The following FLNB variants were observed in gnomAD, a reference collection of about 807,000 sequenced individuals.
FLNB encodes filamin B.
In FLNB, 111 loss-of-function variants were observed where a neutral mutation model predicts 250.6. The ratio of observed to expected loss-of-function variants is 0.44; its 90% CI spans 0.38 to 0.52. FLNB has a LOEUF of 0.52. Ranked by LOEUF, FLNB falls within the 20% of genes least tolerant of loss-of-function variation. The pLI is 0.00. For missense variants in FLNB, 2,869 were observed against 3,447.8 expected, an observed-to-expected ratio of 0.83 and a Z score of 4.20; for synonymous variants, 1,302 against 1,372.1, an observed-to-expected ratio of 0.95 and a Z score of 1.13.
At chr3:58,010,657 G>GT (rs1192744826) in intron 1 of FLNB, among the ~76,000 whole-genome samples, 5 of 152,128 alleles carry the variant, frequency 3.3e-5, no homozygotes, top group African/African-American at 4.8e-5. Flanking sequence ...TTAAAAATGT[G>GT]TATTTATTTA....
intron 1 of FLNB, among the ~76,000 whole-genome samples, chr3:58,056,073 TTTTATTTATTTA>T (rs1197071012): frequency 1.8e-4 from 26 of 145,108 alleles, no homozygotes; most frequent in East Asian, 5.9e-4. Context: ...CATTAATAAA[TTTTATTTATTTA>T]TTTATTTATT....
chr3:58,169,854 A>G lies in FLNB; in HGVS notation c.7621+61A>G. Reference sequence around the variant, plus strand: ...CAGGGGCAGGCTGGGCACCCTGGGTACACTGGCCTTCCCTGCTGAGGTCTC... The same window carrying G: ...CAGGGGCAGGCTGGGCACCCTGGGTGCACTGGCCTTCCCTGCTGAGGTCTC... On this transcript the variant is annotated intron_variant, in intron 45 of 45. Transcript: ENST00000295956. The surrounding 1 kb of genome is among the most constrained non-coding windows in gnomAD (Gnocchi z 4.8). The G allele has an allele frequency of 1.4e-6, 2 of 1,421,694 alleles. No individual in the cohort carries two copies. Among genetic ancestry groups the G allele is most frequent in the East Asian group, 2.3e-5 (1 of 43,108 alleles). 88.1% of individuals were successfully genotyped at this position (1,421,694 alleles called of 1,614,324 possible). A position where few individuals can be genotyped will look rare whatever the true frequency, so the allele number is the denominator to read the frequency against.
chr3:58,064,744 G>A (rs2097183104), intron 1 of FLNB, among the ~76,000 whole-genome samples: 1 of 152,062 alleles, frequency 6.6e-6, no homozygotes. Context: ...CAGGTGCAGT[G>A]GCTCATGCCT....
chr3:58,044,910 A>AATCAAAGAGTGTGCTACAGC (rs1458391030), intron 1 of FLNB, among the ~76,000 whole-genome samples: 24 of 152,226 alleles, frequency 1.6e-4, no homozygotes, highest in Admixed American at 1.6e-3. Flanking sequence ...GGAAAAACTG[A>AATCAAAGAGTGTGCTACAGC]ATCAAAGAGT....
intron 9 of FLNB, among the ~76,000 whole-genome samples, chr3:58,103,266 GT>G (rs1215903092): frequency 2.3e-4 from 3 of 13,060 alleles, no homozygotes; most frequent in African/African-American, 2.4e-3. Flanking sequence ...GCCAAGGAGG[GT>G]GTGTGTGTGT....
At chr3:58,062,864 T>C (rs2097180490) in intron 1 of FLNB, among the ~76,000 whole-genome samples, 1 of 152,184 alleles carries the variant, frequency 6.6e-6, no homozygotes, top group Non-Finnish European at 1.5e-5. Flanking sequence ...CTTGAATCCT[T>C]TTCACAATGC....
chr3:58,112,664 TACAC>T (rs908336554), intron 18 of FLNB, among the ~76,000 whole-genome samples: 2 of 151,886 alleles, frequency 1.3e-5, no homozygotes, highest in Non-Finnish European at 2.9e-5. Context: ...CACACACACA[TACAC>T]ACACACACGT....
chr3:58,127,283 G>A (rs1484095715), intron 24 of FLNB, among the ~76,000 whole-genome samples: 2 of 150,668 alleles, frequency 1.3e-5, no homozygotes, highest in South Asian at 2.1e-4. Flanking sequence ...CTGAGATTGC[G>A]CCACTGCGCT....
At position 58,159,653 on chromosome 3, in the gene FLNB, G is replaced by A. The variant is rs766567619; in HGVS notation, c.6988G>A (p.Val2330Met). The A allele has an allele frequency of 8.1e-6, 13 of 1,613,916 alleles. No homozygotes were observed. Among genetic ancestry groups the A allele is most frequent in the South Asian group, 2.2e-5 (2 of 91,070 alleles). Reference sequence around the variant, plus strand: ...AAAGGTGCACAGCCCCTCTGGAGCCGTGGAGGAGTGCCACGTGTCTGAGCT... The same window carrying A: ...AAAGGTGCACAGCCCCTCTGGAGCCATGGAGGAGTGCCACGTGTCTGAGCT... ...DAKVHSPSGA[V>M]EECHVSELEP... is the part of the protein sequence containing the mutation. Residue 2330 changes from valine to methionine, a missense_variant, in exon 42 of 46, where the codon GTG (valine) becomes ATG (methionine). Physicochemically the swap from Val to Met is conservative, Grantham distance 21. Coordinates refer to ENST00000295956, the MANE Select transcript of FLNB (RefSeq NM_001457.4).
chr3:58,118,977 G>C lies in FLNB; in HGVS notation c.2851G>C (p.Gly951Arg). Residue 951 changes from glycine (G) to arginine (R), a missense_variant, in exon 19 of 46, where the codon GGG becomes CGG. By Grantham distance (125) the Gly-to-Arg change is moderately radical. This residue lies in a region of FLNB where 1,348 missense variants were observed against 1,466.7 expected (regional missense o/e 0.92). Coordinates refer to ENST00000295956, the MANE Select transcript of FLNB (RefSeq NM_001457.4). The stretch of plus-strand genomic sequence containing the variant: ...GGATCTGAGCAAGATAAAACTCAAT[G>C]GGCTGGAAAACAGTAAGTGCCTGAA... ...PLDLSKIKLNGLENRVEVGKD... is the reference protein window; with the variant it reads ...PLDLSKIKLNRLENRVEVGKD... 2 of 1,612,986 alleles carry C rather than the reference G, an allele frequency of 1.2e-6. No individual in the cohort carries two copies. Among genetic ancestry groups the C allele is most frequent in the Non-Finnish European group, 1.7e-6 (2 of 1,178,952 alleles).
At chr3:58,151,736 C>T (rs1210526467) in intron 38 of FLNB, among the ~76,000 whole-genome samples, 4 of 152,248 alleles carry the variant, frequency 2.6e-5, no homozygotes, top group Admixed American at 6.5e-5. Flanking sequence ...CATCAACCTT[C>T]GTTACTCATC....
At position 58,110,256 on chromosome 3, in the gene FLNB, G is replaced by T. The variant is rs1365113362; in HGVS notation, c.2484+86G>T. The stretch of plus-strand genomic sequence containing the variant: ...GTGTGCATGTCTCATCTACTTTTTG[G>T]TGTTTTGTTAGTATTATTATTTTTG... On this transcript the variant is annotated intron_variant, in intron 16 of 45. Coordinates refer to ENST00000295956, the MANE Select transcript of FLNB (RefSeq NM_001457.4). 8 of 1,383,364 alleles carry T rather than the reference G, an allele frequency of 5.8e-6. No homozygotes were observed. In the Admixed American group the frequency reaches 1.4e-4, roughly 24 times the overall value. The allele number at this position is 1,383,364 out of a possible 1,614,324, so 85.7% of individuals were successfully genotyped here.
chr3:58,051,506 G>A (rs2097162372), intron 1 of FLNB, among the ~76,000 whole-genome samples: 1 of 152,150 alleles, frequency 6.6e-6, no homozygotes, highest in Non-Finnish European at 1.5e-5. Flanking sequence ...TCTGCATGTG[G>A]ATAAAGGGTC....
intron 32 of FLNB, among the ~76,000 whole-genome samples, chr3:58,144,064 A>G (rs972809798): frequency 2.0e-5 from 3 of 152,188 alleles, no homozygotes; most frequent in South Asian, 2.1e-4. Context: ...TGGGTCACCA[A>G]CCAGCACAGT....
chr3:58,149,725 A>G, intron 36 of FLNB, 125 bp from the exon 37 acceptor site: 2 of 1,274,896 alleles, frequency 1.6e-6, no homozygotes, highest in Non-Finnish European at 2.2e-6. Context: ...CGAGGCCGCC[A>G]TTGCTTTCTT....
intron 8 of FLNB, among the ~76,000 whole-genome samples, chr3:58,101,391 G>A (rs2097251019): frequency 1.3e-5 from 2 of 152,306 alleles, no homozygotes; most frequent in South Asian, 2.1e-4. Flanking sequence ...AAGGTTGTCC[G>A]TGCTGGGCAG....
At position 58,153,590 on chromosome 3, in the gene FLNB, A is replaced by G; in HGVS notation, c.6583A>G (p.Lys2195Glu). ...VGPLGEGGAH[K>E]VRAGGPGLER... is the part of the protein sequence containing the mutation. ...GCCACTTGGTGAAGGAGGCGCCCAC[A>G]AGGTGCGGGCAGGAGGCCCTGGCCT... The change falls in exon 39 of 46, where the codon AAG (lysine) becomes GAG (glutamate). Residue 2195 changes from lysine to glutamate, a missense_variant. Lys to Glu is a moderately conservative substitution (Grantham distance 56). This residue lies in a region of FLNB where 1,084 missense variants were observed against 1,315.5 expected (regional missense o/e 0.82). Coordinates refer to ENST00000295956, the MANE Select transcript of FLNB (RefSeq NM_001457.4). The G allele has an allele frequency of 6.2e-7, 1 of 1,614,120 alleles. No individual in the cohort carries two copies. The highest frequency in any genetic ancestry group is 8.5e-7 in the Non-Finnish European group (1 of 1,180,030).
At chr3:58,031,736 GT>G (rs1368797159) in intron 1 of FLNB, among the ~76,000 whole-genome samples, 1 of 150,118 alleles carries the variant, frequency 6.7e-6, no homozygotes, top group Non-Finnish European at 1.5e-5. Flanking sequence ...ATTTTTAAAG[GT>G]TTTGCCATGT....
intron 10 of FLNB, 134 bp from the exon 11 acceptor site, chr3:58,104,946 C>A: frequency 1.8e-6 from 2 of 1,122,516 alleles, no homozygotes; most frequent in Non-Finnish European, 2.7e-6. Context: ...GGAGGAAGGG[C>A]TTGGCTGCAG....
Sources: gnomAD v4.1 joint callset for allele counts (sites outside exome capture counted in the v4.1 genomes callset) on GRCh38, gnomAD v4.1.1 for gene constraint, gnomAD v4.1.1 regional missense constraint, Gnocchi (gnomAD v3.1) non-coding constraint, MANE v1.5 for transcripts, NCBI Gene and HGNC (gene_info 2026-07-23, HGNC 2026-07-21) for gene names.